CAST: variants seen among roughly 807,000 people sequenced by gnomAD.
The protein encoded by CAST is MIR583 host.
CAST carries 76 observed loss-of-function variants against 119.6 expected under a neutral mutation model. That is an observed-to-expected ratio of 0.64 (90% CI 0.53 to 0.77). CAST has a LOEUF of 0.77. CAST is among the 30% of genes least tolerant of loss of function. CAST has a pLI of 0.00. For synonymous variants in CAST, 319 were observed against 331.6 expected (o/e 0.96, Z 0.41); for missense variants, 953 against 946.5 (o/e 1.01, Z -0.09).
chr5:96,238,339 TCTTCTTCATCTTCATCTTCTTCTTCTC>T, the CAST span, among the ~76,000 whole-genome samples: 1 of 43,954 alleles, frequency 2.3e-5, no homozygotes, highest in South Asian at 1.0e-3. Flanking sequence ...TTCTTCTTCT[TCTTCTTCATCTTCATCTTCTTCTTCTC>T]CTTCTTCTCC....
At chr5:96,408,216 G>T in the CAST span, 1 of 1,603,494 alleles carries the variant, frequency 6.2e-7, no homozygotes, top group Admixed American at 1.7e-5. Flanking sequence ...AGCTTTCTGG[G>T]CCTTACTTTG....
chr5:96,359,559 C>G, the CAST span, among the ~76,000 whole-genome samples: 1 of 152,160 alleles, frequency 6.6e-6, no homozygotes, highest in African/African-American at 2.4e-5. Flanking sequence ...ATTTGCTTGT[C>G]TGTAAAGGAC....
chr5:96,229,221 C>T, the CAST span, among the ~76,000 whole-genome samples: 2 of 150,758 alleles, frequency 1.3e-5, no homozygotes, highest in Non-Finnish European at 3.0e-5. Context: ...CAAATGAAAT[C>T]GTATTTTAGG....
the CAST span, among the ~76,000 whole-genome samples, chr5:96,064,045 A>G: frequency 6.6e-6 from 1 of 152,160 alleles, no homozygotes; most frequent in African/African-American, 2.4e-5. Flanking sequence ...ATCATGGTTT[A>G]TTCTCAGGTG....
At chr5:96,714,362 T>C (rs1453939224) in intron 3 of CAST, among the ~76,000 whole-genome samples, 1 of 152,162 alleles carries the variant, frequency 6.6e-6, no homozygotes, top group African/African-American at 2.4e-5. Flanking sequence ...TTCACTAAAG[T>C]ATAGCATATA....
chr5:96,663,141 C>A, intron 1 of CAST: 1 of 702,632 alleles, frequency 1.4e-6, no homozygotes, highest in South Asian at 1.5e-5. Context: ...GTTGCCATGG[C>A]ATTCGCCAGC....
chr5:96,104,335 C>G, the CAST span, among the ~76,000 whole-genome samples: 1 of 152,134 alleles, frequency 6.6e-6, no homozygotes, highest in South Asian at 2.1e-4. Flanking sequence ...ATGGTAATGC[C>G]TAGGTTTTCT....
At chr5:96,654,789 A>T (rs1188189908) in intron 1 of CAST, among the ~76,000 whole-genome samples, 3 of 152,268 alleles carry the variant, frequency 2.0e-5, no homozygotes, top group Non-Finnish European at 4.4e-5. Context: ...GAGAACAAAT[A>T]AAGACCATGT....
At chr5:96,735,859 T>C (rs535247904) in intron 9 of CAST, among the ~76,000 whole-genome samples, 1 of 152,332 alleles carries the variant, frequency 6.6e-6, no homozygotes, top group South Asian at 2.1e-4. Context: ...TTGTAAAAAC[T>C]GGCTGTGGGC....
chr5:96,417,083 G>A, the CAST span, among the ~76,000 whole-genome samples: 6 of 152,184 alleles, frequency 3.9e-5, no homozygotes, highest in African/African-American at 1.4e-4. Flanking sequence ...GTGAAAGAGA[G>A]GAAGGGTTAG....
chr5:96,201,784 G>A, the CAST span, among the ~76,000 whole-genome samples: 1 of 152,030 alleles, frequency 6.6e-6, no homozygotes, highest in African/African-American at 2.4e-5. Flanking sequence ...AATATAAAGT[G>A]TCACAGTGCA....
chr5:96,766,830 C>G (rs1235147055), intron 27 of CAST, among the ~76,000 whole-genome samples: 1 of 152,026 alleles, frequency 6.6e-6, no homozygotes, highest in Non-Finnish European at 1.5e-5. Flanking sequence ...TTACACCCTT[C>G]TCTTTCTGTA....
the CAST span, chr5:96,432,892 C>T: frequency 6.2e-7 from 1 of 1,614,030 alleles, no homozygotes; most frequent in East Asian, 2.2e-5. Flanking sequence ...CCCAGCTCCT[C>T]GGCGATGGCC....
the CAST span, among the ~76,000 whole-genome samples, chr5:96,022,151 A>AGCCTGG: frequency 6.6e-6 from 1 of 152,178 alleles, no homozygotes; most frequent in African/African-American, 2.4e-5. Context: ...ATTTTATATA[A>AGCCTGG]AGGGCTTGAG....
the CAST span, among the ~76,000 whole-genome samples, chr5:96,180,611 A>G: frequency 6.6e-6 from 1 of 152,274 alleles, no homozygotes; most frequent in African/African-American, 2.4e-5. Context: ...GGAAATTTGA[A>G]AAATAAGAAC....
chr5:96,320,206 G>A, the CAST span, among the ~76,000 whole-genome samples: 1 of 149,882 alleles, frequency 6.7e-6, no homozygotes, highest in South Asian at 2.1e-4. Flanking sequence ...AAAGGCTGTG[G>A]CCTCTTTTGG....
chr5:96,144,414 C>T, the CAST span, among the ~76,000 whole-genome samples: 4 of 152,256 alleles, frequency 2.6e-5, no homozygotes, highest in Middle Eastern at 3.4e-3. Flanking sequence ...TTTTCCTCTT[C>T]CCAGACCTGA....
intron 2 of CAST, among the ~76,000 whole-genome samples, chr5:96,693,304 C>T (rs1752936379): frequency 6.6e-6 from 1 of 152,170 alleles, no homozygotes; most frequent in African/African-American, 2.4e-5. Flanking sequence ...AAGTCATTTT[C>T]AGCATATAAA....
chr5:96,187,052 TCA>T, the CAST span, among the ~76,000 whole-genome samples: 4 of 152,218 alleles, frequency 2.6e-5, no homozygotes, highest in African/African-American at 9.7e-5. Context: ...GTTCAGGGAT[TCA>T]GTTTCTTCCT....
Sources: gnomAD v4.1 joint callset for allele counts (sites outside exome capture counted in the v4.1 genomes callset) on GRCh38, gnomAD v4.1.1 for gene constraint, MANE v1.5 for transcripts, NCBI Gene and HGNC (gene_info 2026-07-23, HGNC 2026-07-21) for gene names.